RAB28: variants seen among roughly 807,000 people sequenced by gnomAD.
The protein encoded by RAB28 is RAB28, member RAS oncogene family.
In RAB28, 24 loss-of-function variants were observed where a neutral mutation model predicts 31.7. The observed-to-expected ratio is 0.76, with a 90% CI of 0.55 to 1.06. RAB28 has a LOEUF of 1.06. Among genes scored for constraint, RAB28 ranks in the 50% least tolerant of loss-of-function variants. RAB28 has a pLI of 0.00. For synonymous variants in RAB28, 100 were observed against 90.4 expected, an observed-to-expected ratio of 1.11 and a Z score of -0.60; for missense variants, 254 against 258.5, an observed-to-expected ratio of 0.98 and a Z score of 0.12.
At chr4:13,372,697 GAAA>G (rs1183004538) in intron 6 of RAB28, among the ~76,000 whole-genome samples, 1 of 152,012 alleles carries the variant, frequency 6.6e-6, no homozygotes, top group Admixed American at 6.6e-5. Context: ...ACATACTGGA[GAAA>G]ATGATCGTAA....
Position 13,394,885 on chromosome 4 carries a change from A to G in RAB28, c.392-13291T>C, listed in dbSNP as rs146924387. Among the ~76,000 whole-genome samples the G allele has an allele frequency of 6.6e-5, 10 of 152,262 alleles. No individual in the cohort carries two copies. The East Asian group carries it at 1.9e-3, about 29-fold the overall frequency. ...TTTAAGAGACTTTTGAAACAATCTA[A>G]CTCTGTTTAAACATTTACAAAACCC... On this transcript the variant is annotated intron_variant, in intron 4 of 6. Coordinates refer to ENST00000330852, the MANE Select transcript of RAB28 (RefSeq NM_001017979.3).
Position 13,484,145 on chromosome 4 carries a change from C to A in RAB28, c.6G>T (p.Ser2=). Residue 2 remains serine (S), a synonymous_variant, in exon 1 of 7, where the codon TCG becomes TCT. Coordinates refer to ENST00000330852, the MANE Select transcript of RAB28 (RefSeq NM_001017979.3). The part of the protein sequence containing the change: M[S]DSEEESQDRQ... ...GGTCCTGGCTCTCCTCCTCAGAGTC[C>A]GACATGGTGTCCCGGGAACCAGGCC... 6.3e-7 allele frequency: 1 copy of A among 1,587,366 alleles called. No homozygotes were observed. The highest frequency in any genetic ancestry group is 8.6e-7 in the Non-Finnish European group (1 of 1,166,538).
rs140019481 is a variant in RAB28, at chr4:13,393,174, A to T, written c.392-11580T>A. The stretch of plus-strand genomic sequence containing the variant: ...ATAAGACAATCTATAACAGGAGTAC[A>T]GAGACAGGAAACTTCTACAACTGCT... On this transcript the variant is annotated intron_variant, in intron 4 of 6. Coordinates refer to ENST00000330852, the MANE Select transcript of RAB28 (RefSeq NM_001017979.3). Among the ~76,000 whole-genome samples the T allele has an allele frequency of 3.3e-4, 50 of 152,360 alleles. 1 individual carries two copies. In the East Asian group the frequency reaches 9.6e-3, roughly 29 times the overall value.
chr4:13,449,364 A>G (rs1195309595), intron 4 of RAB28, among the ~76,000 whole-genome samples: 1 of 151,910 alleles, frequency 6.6e-6, no homozygotes, highest in East Asian at 1.9e-4. Flanking sequence ...ACATATAACC[A>G]TTTCTTATAC....
chr4:13,373,372 G>T (rs191634871), intron 6 of RAB28, among the ~76,000 whole-genome samples: 1 of 152,222 alleles, frequency 6.6e-6, no homozygotes, highest in East Asian at 1.9e-4. Context: ...GTGGAGAAGG[G>T]GAAGACTACA....
chr4:13,425,787 T>G (rs191567649), intron 4 of RAB28, among the ~76,000 whole-genome samples: 2 of 152,284 alleles, frequency 1.3e-5, no homozygotes, highest in East Asian at 3.9e-4. Context: ...ATTGTTTGTT[T>G]GTTTTGGTTT....
At chr4:13,376,864 C>T (rs1400696211) in intron 5 of RAB28, among the ~76,000 whole-genome samples, 1 of 152,044 alleles carries the variant, frequency 6.6e-6, no homozygotes, top group Non-Finnish European at 1.5e-5. Flanking sequence ...TCTCTAAACA[C>T]ACACATGAAA....
rs1223216444 is a variant in RAB28, at chr4:13,368,076, G to A, written c.*482C>T. 8.2e-6 allele frequency: 8 copies of A among 977,290 alleles called. No homozygotes were observed. In the East Asian group the frequency reaches 4.6e-4, roughly 56 times the overall value. The allele number at this position is 977,290 out of a possible 1,614,324, so 60.5% of individuals were successfully genotyped here. A position where few individuals can be genotyped will look rare whatever the true frequency, so the allele number is the denominator to read the frequency against. On this transcript the variant is annotated 3_prime_UTR_variant, in exon 7 of 7. Coordinates refer to ENST00000330852, the MANE Select transcript of RAB28 (RefSeq NM_001017979.3). ...AACAGCTTTATATACTTTTACTCAC[G>A]ATAGCGAAAGAATGTCTTCATAAGT...
intron 4 of RAB28, among the ~76,000 whole-genome samples, chr4:13,419,838 AG>A (rs1164546203): frequency 6.6e-6 from 1 of 152,160 alleles, no homozygotes; most frequent in African/African-American, 2.4e-5. Context: ...CACAATTAAA[AG>A]AACTAGAGAA....
chr4:13,394,775 T>C (rs1483121979), intron 4 of RAB28, among the ~76,000 whole-genome samples: 1 of 152,116 alleles, frequency 6.6e-6, no homozygotes, highest in Non-Finnish European at 1.5e-5. Flanking sequence ...AACAGCACAA[T>C]ATGATTTTGC....
rs1009166259 is a variant in RAB28 at position 13,368,082 on chromosome 4, G to A, written c.*476C>T. On this transcript the variant is annotated 3_prime_UTR_variant, in exon 7 of 7. Coordinates refer to ENST00000330852, the MANE Select transcript of RAB28 (RefSeq NM_001017979.3). ...TTTATATACTTTTACTCACGATAGC[G>A]AAAGAATGTCTTCATAAGTATCTGT... 2.8e-5 allele frequency: 27 copies of A among 978,814 alleles called. No homozygotes were observed. The highest frequency in any genetic ancestry group is 7.0e-5 in the African/African-American group (4 of 57,160). 60.6% of individuals were successfully genotyped at this position (978,814 alleles called of 1,614,324 possible). A position where few individuals can be genotyped will look rare whatever the true frequency, so the allele number is the denominator to read the frequency against.
intron 4 of RAB28, among the ~76,000 whole-genome samples, chr4:13,412,553 G>T (rs1459016597): frequency 6.6e-6 from 1 of 152,130 alleles, no homozygotes; most frequent in African/African-American, 2.4e-5. Context: ...AAAAAGGAGA[G>T]AGAAGTAGGG....
Position 13,484,210 on chromosome 4 carries a change from C to G in RAB28, c.-60G>C. ...GGGGGGGAAGGGAAGGATGAAGGCT[C>G]CGGGGGCGGGGGAGAGGAGGAAGGG... On this transcript the variant is annotated 5_prime_UTR_variant, in exon 1 of 7. Coordinates refer to ENST00000330852, the MANE Select transcript of RAB28 (RefSeq NM_001017979.3). 1 of 1,391,400 alleles carries G rather than the reference C, an allele frequency of 7.2e-7. No individual in the cohort carries two copies. The highest frequency in any genetic ancestry group is 1.4e-5 in the African/African-American group (1 of 69,944). 86.2% of individuals were successfully genotyped at this position (1,391,400 alleles called of 1,614,324 possible). A position where few individuals can be genotyped will look rare whatever the true frequency, so the allele number is the denominator to read the frequency against.
chr4:13,461,235 T>C (rs558676479), intron 3 of RAB28, among the ~76,000 whole-genome samples: 2 of 152,358 alleles, frequency 1.3e-5, no homozygotes, highest in South Asian at 4.1e-4. Flanking sequence ...CTGCTGCTAC[T>C]CTTTTTAAAT....
At chr4:13,417,822 A>C (rs1056093469) in intron 4 of RAB28, among the ~76,000 whole-genome samples, 2 of 152,208 alleles carry the variant, frequency 1.3e-5, no homozygotes, top group Non-Finnish European at 2.9e-5. Flanking sequence ...GAAAATTCTA[A>C]AGACCAGAAC....
chr4:13,453,508 A>G (rs1715087307), intron 4 of RAB28, among the ~76,000 whole-genome samples: 2 of 152,058 alleles, frequency 1.3e-5, no homozygotes. Flanking sequence ...ATGTAAGAGT[A>G]CCTTGAACAT....
intron 4 of RAB28, 141 bp downstream of exon 4, chr4:13,460,558 T>C (rs1715540561): frequency 3.9e-6 from 4 of 1,038,300 alleles, no homozygotes; most frequent in Admixed American, 2.3e-5. Context: ...CCTAATTACC[T>C]CCCAAAACCC....
intron 4 of RAB28, among the ~76,000 whole-genome samples, chr4:13,429,047 T>G (rs1424321660): frequency 6.6e-6 from 1 of 151,002 alleles, no homozygotes; most frequent in Non-Finnish European, 1.5e-5. Flanking sequence ...CAGGTTCAAG[T>G]GATTCTCCTG....
intron 4 of RAB28, among the ~76,000 whole-genome samples, chr4:13,397,251 A>G (rs1729907991): frequency 6.6e-6 from 1 of 152,168 alleles, no homozygotes; most frequent in South Asian, 2.1e-4. Context: ...TTATATAAAA[A>G]TATTAAATGG....
Sources: gnomAD v4.1 joint callset for allele counts (sites outside exome capture counted in the v4.1 genomes callset) on GRCh38, gnomAD v4.1.1 for gene constraint, MANE v1.5 for transcripts, NCBI Gene and HGNC (gene_info 2026-07-23, HGNC 2026-07-21) for gene names.